CDHR3: variants seen among roughly 807,000 people sequenced by gnomAD.
The protein encoded by CDHR3 is cadherin-related family member 3.
In CDHR3, 79 loss-of-function variants were observed where a neutral mutation model predicts 86.6. The observed-to-expected ratio is 0.91, with a 90% CI of 0.76 to 1.10. CDHR3 has a LOEUF of 1.10. Among genes scored for constraint, CDHR3 ranks in the 50% least tolerant of loss-of-function variants. The pLI, the probability that CDHR3 is intolerant of heterozygous loss-of-function variation, is 0.00. For synonymous variants in CDHR3, 421 were observed against 402.4 expected (o/e 1.05, Z -0.55); for missense variants, 1,081 against 1,077.6 (o/e 1.00, Z -0.04).
chr7:106,011,528 G>A (rs150009868), intron 8 of CDHR3, among the ~76,000 whole-genome samples: 31 of 152,294 alleles, frequency 2.0e-4, no homozygotes, highest in African/African-American at 7.5e-4. Context: ...CAAGCTGTCA[G>A]TGACCACAGA....
chr7:106,030,597 T>A lies in CDHR3; in HGVS notation c.2305-195T>A, dbSNP rs1364374670. On this transcript the variant is annotated intron_variant, in intron 17 of 18. Transcript: ENST00000317716. This position sits in a 1 kb window ranked among gnomAD's most constrained non-coding sequence, Gnocchi z 4.8. The stretch of plus-strand genomic sequence containing the variant: ...CTGCATTGCAGCACCTGTTTGTAAT[T>A]GGCAAGCTTTGTACAGGCAGTGACT... Among the ~76,000 whole-genome samples, 2 of 152,242 alleles carry A rather than the reference T, an allele frequency of 1.3e-5. No individual in the cohort carries two copies. Among genetic ancestry groups the A allele is most frequent in the East Asian group, 3.9e-4 (2 of 5,194 alleles).
chr7:106,015,403 T>C (rs2115853053), intron 10 of CDHR3, among the ~76,000 whole-genome samples, 190 bp downstream of exon 10: 1 of 152,238 alleles, frequency 6.6e-6, no homozygotes, highest in South Asian at 2.1e-4. Flanking sequence ...TGCCATCATA[T>C]GACTTCCTTG....
At chr7:106,004,869 CCTCT>C in intron 8 of CDHR3, 182 bp downstream of exon 8, 1 of 607,726 alleles carries the variant, frequency 1.6e-6, no homozygotes, top group South Asian at 2.2e-5. Context: ...TTTTTTCTTC[CCTCT>C]CTTTCATTTT....
chr7:105,989,593 C>T (rs1410534379), intron 4 of CDHR3, among the ~76,000 whole-genome samples: 2 of 152,048 alleles, frequency 1.3e-5, no homozygotes, highest in Non-Finnish European at 2.9e-5. Flanking sequence ...TTGCTCATAG[C>T]TCTAGGAAGT....
At chr7:105,998,646 C>T (rs114868648) in intron 6 of CDHR3, among the ~76,000 whole-genome samples, 1,923 of 152,148 alleles carry the variant, frequency 0.013, 48 homozygotes, top group African/African-American at 0.043. Flanking sequence ...ACCAAAGTAG[C>T]CAGGCATGGT....
intron 2 of CDHR3, among the ~76,000 whole-genome samples, chr7:105,980,589 T>G (rs1563238620): frequency 7.4e-5 from 3 of 40,692 alleles, no homozygotes; most frequent in African/African-American, 9.5e-5. Context: ...TGGAAGGTTT[T>G]TTTTTTTTTT....
chr7:106,005,874 GATCCA>G (rs1833876977), intron 8 of CDHR3, among the ~76,000 whole-genome samples: 1 of 152,188 alleles, frequency 6.6e-6, no homozygotes, highest in South Asian at 2.1e-4. Flanking sequence ...TATCCCTTTA[GATCCA>G]GTCTCCACCC....
intron 12 of CDHR3, among the ~76,000 whole-genome samples, chr7:106,019,680 A>G (rs950423284): frequency 1.6e-4 from 24 of 152,196 alleles, no homozygotes; most frequent in African/African-American, 4.8e-4. Context: ...GCCCCTGCTT[A>G]TGGCAGGTTA....
At position 105,980,595 on chromosome 7, in the gene CDHR3, T is replaced by G. The variant is rs1454194417; in HGVS notation, c.250-373T>G. Among the ~76,000 whole-genome samples, 4 of 98,882 alleles carry G rather than the reference T, an allele frequency of 4.0e-5. 1 individual carries two copies. In the South Asian group the frequency reaches 1.5e-3, roughly 37 times the overall value. 64.9% of individuals were successfully genotyped at this position (98,882 alleles called of 152,430 possible). A position where few individuals can be genotyped will look rare whatever the true frequency, so the allele number is the denominator to read the frequency against. On this transcript the variant is annotated intron_variant, in intron 2 of 18. Coordinates refer to ENST00000317716, the MANE Select transcript of CDHR3 (RefSeq NM_152750.5). ...CCCAAGTAGTGGAAGGTTTTTTTTT[T>G]TTTTTTTTTTAATTTTTTTTTTTTT...
intron 12 of CDHR3, among the ~76,000 whole-genome samples, 163 bp downstream of exon 12, chr7:106,018,235 A>G (rs1835963764): frequency 6.6e-6 from 1 of 151,998 alleles, no homozygotes; most frequent in Admixed American, 6.6e-5. Context: ...AAAGATCCAC[A>G]TTTTTCTTTT....
At chr7:105,969,168 G>C (rs1200876858) in intron 1 of CDHR3, among the ~76,000 whole-genome samples, 1 of 150,648 alleles carries the variant, frequency 6.6e-6, no homozygotes, top group East Asian at 2.0e-4. Flanking sequence ...AGGCCGAGGC[G>C]GGCGGATCAC....
At chr7:105,993,991 C>A (rs1254136242) in intron 4 of CDHR3, among the ~76,000 whole-genome samples, 1 of 152,218 alleles carries the variant, frequency 6.6e-6, no homozygotes, top group Non-Finnish European at 1.5e-5. Flanking sequence ...TTTCCTTATG[C>A]CACGTGCCAG....
chr7:105,964,998 GAAGA>G (rs1826641530), intron 1 of CDHR3, among the ~76,000 whole-genome samples: 1 of 152,058 alleles, frequency 6.6e-6, no homozygotes, highest in African/African-American at 2.4e-5. Flanking sequence ...GTGAGGTTAG[GAAGA>G]ACCCAATTTC....
intron 1 of CDHR3, among the ~76,000 whole-genome samples, chr7:105,965,787 G>A (rs1183418455): frequency 6.6e-6 from 1 of 152,176 alleles, no homozygotes; most frequent in Non-Finnish European, 1.5e-5. Flanking sequence ...TGTCAGCCCT[G>A]CAATAACAGA....
At chr7:106,009,448 G>A (rs756048032) in intron 8 of CDHR3, among the ~76,000 whole-genome samples, 5 of 152,236 alleles carry the variant, frequency 3.3e-5, no homozygotes, top group Non-Finnish European at 7.3e-5. Flanking sequence ...CACGCAAGCA[G>A]GTCAAAACAG....
intron 1 of CDHR3, among the ~76,000 whole-genome samples, 156 bp downstream of exon 1, chr7:105,963,520 A>G (rs1371226382): frequency 6.6e-6 from 1 of 152,184 alleles, no homozygotes; most frequent in Non-Finnish European, 1.5e-5. Context: ...CGCTCCAGGG[A>G]GCCCTGGGGG....
At chr7:106,011,507 C>G (rs1834803243) in intron 8 of CDHR3, among the ~76,000 whole-genome samples, 1 of 152,120 alleles carries the variant, frequency 6.6e-6, no homozygotes, top group Non-Finnish European at 1.5e-5. Context: ...CCTAGACTGT[C>G]CAGCCCCAGC....
At chr7:105,966,366 C>T (rs978851037) in intron 1 of CDHR3, among the ~76,000 whole-genome samples, 2 of 152,160 alleles carry the variant, frequency 1.3e-5, no homozygotes, top group African/African-American at 4.8e-5. Context: ...GAAAAGGTAC[C>T]AAACCCATCC....
At chr7:106,013,195 T>C (rs1472333369) in intron 9 of CDHR3, among the ~76,000 whole-genome samples, 164 bp downstream of exon 9, 1 of 152,206 alleles carries the variant, frequency 6.6e-6, no homozygotes, top group Admixed American at 6.5e-5. Flanking sequence ...TCGCTCTTTA[T>C]TTTACCCTGG....
Sources: gnomAD v4.1 joint callset for allele counts (sites outside exome capture counted in the v4.1 genomes callset) on GRCh38, gnomAD v4.1.1 for gene constraint, Gnocchi (gnomAD v3.1) non-coding constraint, MANE v1.5 for transcripts, NCBI Gene and HGNC (gene_info 2026-07-23, HGNC 2026-07-21) for gene names.